Variants in EDNRB observed in about 807,000 individuals in gnomAD.
EDNRB encodes endothelin receptor type B.
EDNRB carries 18 observed loss-of-function variants against 46.4 expected under a neutral mutation model. That is an observed-to-expected ratio of 0.39 (90% confidence interval 0.27 to 0.57). The LOEUF (loss-of-function observed/expected upper bound fraction) is 0.57. Ranked by LOEUF, EDNRB falls within the 20% of genes least tolerant of loss-of-function variation. The pLI, the probability that EDNRB is intolerant of heterozygous loss-of-function variation, is 0.61. For synonymous variants in EDNRB, 213 were observed against 204.9 expected, an observed-to-expected ratio of 1.04 and a Z score of -0.34; for missense variants, 434 against 537.5, an observed-to-expected ratio of 0.81 and a Z score of 1.90.
At chr13:77,921,562 A>C (rs7989190), upstream of EDNRB, among the ~76,000 whole-genome samples, 136,553 of 151,982 alleles carry the variant, frequency 0.9, 61,420 homozygotes, top group East Asian at 0.98. Context: ...GCATGTCTAA[A>C]TGGTTACACA....
intron 1 of EDNRB, among the ~76,000 whole-genome samples, chr13:77,932,543 G>T (rs1880436211): frequency 6.6e-6 from 1 of 152,160 alleles, no homozygotes; most frequent in African/African-American, 2.4e-5. Flanking sequence ...CTGAGGCTCA[G>T]AGAAGCCTGT....
chr13:77,936,475 G>T (rs1330006134), intron 1 of EDNRB, among the ~76,000 whole-genome samples: 2 of 152,160 alleles, frequency 1.3e-5, no homozygotes, highest in African/African-American at 4.8e-5. Flanking sequence ...TGTGGAGTGG[G>T]TAGCCTCCAT....
In EDNRB at chr13:77,959,433, T is replaced by G. The variant is rs78933578; in HGVS notation, c.-52+15914A>C. Among the ~76,000 whole-genome samples the G allele has an allele frequency of 4.7e-3, 723 of 152,248 alleles. 8 individuals are homozygous for G. The highest frequency in any genetic ancestry group is 0.014 in the African/African-American group (598 of 41,540). On this transcript the variant is annotated intron_variant, in intron 1 of 7. Transcript: ENST00000646948. ...ACTGCTGATACCCAGGCAAACAGGG[T>G]CGGGAGTGGACTTCCAGCAAACTCC... is the stretch of plus-strand genomic sequence containing the variant.
At chr13:77,919,325 G>A (rs1157474533), upstream of EDNRB, 7 of 1,496,096 alleles carry the variant, frequency 4.7e-6, no homozygotes, top group African/African-American at 1.4e-5. Flanking sequence ...TCCCAAACTA[G>A]TAAGCCAAAC....
intron 1 of EDNRB, among the ~76,000 whole-genome samples, chr13:77,929,884 A>T (rs76714650): frequency 7.9e-5 from 12 of 152,236 alleles, no homozygotes; most frequent in African/African-American, 2.9e-4. Context: ...TTTGCAAATC[A>T]TTCAGTATAG....
rs201253040 is a variant in EDNRB at position 77,895,557 on chromosome 13, T to A, written c.*2643A>T. 6.6e-6 allele frequency: 1 copy of A among 152,098 alleles called. No homozygotes were observed. The highest frequency in any genetic ancestry group is 1.5e-5 in the Non-Finnish European group (1 of 67,994). 9.4% of individuals were successfully genotyped at this position (152,098 alleles called of 1,614,324 possible). ...ATAATTGTATATTTAACATAAATAA[T>A]GTCCACTTGTCACATTTATATTTCT... On this transcript the variant is annotated 3_prime_UTR_variant, in exon 7 of 7. Coordinates refer to ENST00000646607, the MANE Select transcript of EDNRB (RefSeq NM_001122659.3).
At chr13:77,958,344 TTTTA>T (rs147945804) in intron 1 of EDNRB, among the ~76,000 whole-genome samples, 68,230 of 145,366 alleles carry the variant, frequency 0.47, 17,025 homozygotes, top group Non-Finnish European at 0.57. Flanking sequence ...TCCCAGGTTA[TTTTA>T]TTTATTTATT....
rs529748338 is a variant in EDNRB, at chr13:77,969,741, T to C, written c.-52+5606A>G. The stretch of plus-strand genomic sequence containing the variant: ...TGTGCTTATGACTGGGAACAGCCAT[T>C]CTGTATTCTAGCTTGACTCTCCTTT... On this transcript the variant is annotated intron_variant, in intron 1 of 7. Transcript: ENST00000646948. 1.7e-4 allele frequency among the ~76,000 whole-genome samples: 26 copies of C among 152,320 alleles called. 1 individual carries two copies. Among genetic ancestry groups the C allele is most frequent in the African/African-American group, 6.3e-4 (26 of 41,576 alleles).
At chr13:77,975,459 G>C (rs927136511) in exon 1 of EDNRB, 1 of 152,406 alleles carries the variant, frequency 6.6e-6, no homozygotes, top group Admixed American at 6.5e-5. Flanking sequence ...TCCCACCGGG[G>C]CAAATGCCTA....
intron 4 of EDNRB, 114 bp from the exon 5 acceptor site, chr13:77,900,768 A>C: frequency 7.0e-7 from 1 of 1,432,090 alleles, no homozygotes; most frequent in South Asian, 1.2e-5. Context: ...ATATGTAAAA[A>C]CTCAGGACAC....
chr13:77,902,501 T>TCACCTGCTCTGTCCTTAGTCATCCTTAGC, intron 3 of EDNRB, among the ~76,000 whole-genome samples: 1 of 151,974 alleles, frequency 6.6e-6, no homozygotes, highest in Middle Eastern at 3.4e-3. Flanking sequence ...TCATCCTTAG[T>TCACCTGCTCTGTCCTTAGTCATCCTTAGC]CACCTGCTCT....
chr13:77,954,691 G>C (rs1881184875), intron 1 of EDNRB, among the ~76,000 whole-genome samples: 3 of 151,916 alleles, frequency 2.0e-5, no homozygotes, highest in Non-Finnish European at 4.4e-5. Context: ...ATTTTTAGTA[G>C]AGATGGGTTT....
intron 1 of EDNRB, among the ~76,000 whole-genome samples, chr13:77,958,431 G>A (rs1388014200): frequency 6.6e-6 from 1 of 152,028 alleles, no homozygotes; most frequent in Non-Finnish European, 1.5e-5. Context: ...GGAGCGCAGT[G>A]GTGCAATATC....
intron 1 of EDNRB, among the ~76,000 whole-genome samples, chr13:77,951,729 C>T (rs1360833127): frequency 6.6e-6 from 1 of 152,138 alleles, no homozygotes; most frequent in Non-Finnish European, 1.5e-5. Context: ...ATTCTAACCT[C>T]TCAAGTTGGG....
chr13:77,962,686 G>T (rs893108996), intron 1 of EDNRB, among the ~76,000 whole-genome samples: 1 of 152,114 alleles, frequency 6.6e-6, no homozygotes, highest in Non-Finnish European at 1.5e-5. Context: ...CAAAAAACTG[G>T]AAGCATTCCG....
intron 1 of EDNRB, among the ~76,000 whole-genome samples, chr13:77,931,744 C>CAAAAAAAAAAAAAAAAACAAAAAAAAAA (rs67176737): frequency 1.2e-5 from 1 of 83,450 alleles, no homozygotes; most frequent in Non-Finnish European, 2.3e-5. Flanking sequence ...ACTGTAGTAG[C>CAAAAAAAAAAAAAAAAACAAAAAAAAAA]AAAAAAAAAA....
chr13:77,972,674 C>T lies in EDNRB; in HGVS notation c.-52+2673G>A, dbSNP rs543344840. 3.3e-5 allele frequency among the ~76,000 whole-genome samples: 5 copies of T among 152,216 alleles called. No homozygotes were observed. In the South Asian group the frequency reaches 1.0e-3, roughly 32 times the overall value. On this transcript the variant is annotated intron_variant, in intron 1 of 7. Coordinates refer to the EDNRB transcript ENST00000646948. ...AAGCTGTCTTTGACTTGGCAAGTCTCCACAGGGTATAACAAGGCAAGCATT... is the reference window on the plus strand; with the variant it reads ...AAGCTGTCTTTGACTTGGCAAGTCTTCACAGGGTATAACAAGGCAAGCATT...
At position 77,897,873 on chromosome 13, in the gene EDNRB, T is replaced by G. The variant is rs200669540; in HGVS notation, c.*327A>C. 62 of 1,040,280 alleles carry G rather than the reference T, an allele frequency of 6.0e-5. No homozygotes were observed. The highest frequency in any genetic ancestry group is 6.7e-5 in the Non-Finnish European group (58 of 863,914). The allele number at this position is 1,040,280 out of a possible 1,614,324, so 64.4% of individuals were successfully genotyped here. A position where few individuals can be genotyped will look rare whatever the true frequency, so the allele number is the denominator to read the frequency against. ...AAAATAAATCTCTTTTTAGAAAGAA[T>G]AGAAATTCTGAGTGAGCTCATTTTT... On this transcript the variant is annotated 3_prime_UTR_variant, in exon 7 of 7. Transcript: ENST00000646607.
At position 77,899,878 on chromosome 13, in the gene EDNRB, C is replaced by A; in HGVS notation, c.1175G>T (p.Arg392Ile). The change falls in exon 6 of 7, where the codon AGA (arginine) becomes ATA (isoleucine). Residue 392 changes from arginine to isoleucine, a missense_variant. By Grantham distance (97) the Arg-to-Ile change is moderately conservative. Coordinates refer to ENST00000646607, the MANE Select transcript of EDNRB (RefSeq NM_001122659.3). ...TCTTACCTTAAAGCAGTTTTTGAAT[C>A]TTTTGCTCACCAAATACAGAGCAAT... Reference protein sequence around the residue: ...NPIALYLVSKRFKNCFKSCLC... With the variant: ...NPIALYLVSKIFKNCFKSCLC... The A allele has an allele frequency of 6.2e-7, 1 of 1,611,664 alleles. No individual in the cohort carries two copies. The highest frequency in any genetic ancestry group is 1.7e-4 in the Middle Eastern group (1 of 6,024).
Sources: allele counts gnomAD v4.1 joint callset (sites outside exome capture counted in the v4.1 genomes callset), GRCh38; gene constraint gnomAD v4.1.1; transcripts MANE v1.5; gene names NCBI Gene and HGNC (gene_info 2026-07-23, HGNC 2026-07-21).